Variants in DNAJC21 observed in about 807,000 individuals in gnomAD.
DNAJC21 encodes DnaJ heat shock protein family (Hsp40) member C21.
DNAJC21 carries 63 observed loss-of-function variants against 72.4 expected under a neutral mutation model. The ratio of observed to expected loss-of-function variants is 0.87; its 90% CI spans 0.71 to 1.07. DNAJC21 has a LOEUF of 1.07. Ranked by LOEUF, DNAJC21 falls within the 50% of genes least tolerant of loss-of-function variation. The pLI is 0.00. For missense variants in DNAJC21, 634 were observed against 644.8 expected (o/e 0.98, Z 0.18); for synonymous variants, 203 against 216.7 (o/e 0.94, Z 0.56).
chr5:34,951,130 G>A (rs1765351348), intron 10 of DNAJC21: 1 of 985,332 alleles, frequency 1.0e-6, no homozygotes, highest in Non-Finnish European at 1.2e-6. Flanking sequence ...GTAGGAAGGA[G>A]GAAACAGATG....
intron 1 of DNAJC21, among the ~76,000 whole-genome samples, chr5:34,931,020 G>A (rs1764571481): frequency 6.6e-6 from 1 of 152,208 alleles, no homozygotes; most frequent in African/African-American, 2.4e-5. Context: ...ATTTGGAAAA[G>A]TGAACTCAAC....
At position 34,956,387 on chromosome 5, in the gene DNAJC21, T is replaced by C. The variant is rs1279064721; in HGVS notation, c.*1673T>C. ...TACCTTTCTATTTCTTGCTAATTTC[T>C]ATCACTAATTCCTTATAATTGTCCC... On this transcript the variant is annotated 3_prime_UTR_variant, in exon 12 of 12. Coordinates refer to ENST00000648817, the MANE Select transcript of DNAJC21 (RefSeq NM_001012339.3). 6.6e-6 allele frequency: 1 copy of C among 152,222 alleles called. No homozygotes were observed. Among genetic ancestry groups the C allele is most frequent in the Non-Finnish European group, 1.5e-5 (1 of 68,048 alleles). The allele number at this position is 152,222 out of a possible 1,614,324, so 9.4% of individuals were successfully genotyped here.
At chr5:34,951,470 G>A (rs929176159) in intron 10 of DNAJC21, 1 of 985,408 alleles carries the variant, frequency 1.0e-6, no homozygotes. Flanking sequence ...CAGGAGGTGG[G>A]GCTCTGGGCC....
chr5:34,942,520 G>A (rs1244119898), intron 7 of DNAJC21, among the ~76,000 whole-genome samples: 1 of 152,004 alleles, frequency 6.6e-6, no homozygotes, highest in Non-Finnish European at 1.5e-5. Flanking sequence ...AGAAAAATTA[G>A]AAACAAGCAA....
intron 2 of DNAJC21, 24 bp downstream of exon 2, chr5:34,933,932 A>T (rs1400841012): frequency 6.2e-7 from 1 of 1,601,760 alleles, no homozygotes; most frequent in Non-Finnish European, 8.5e-7. Flanking sequence ...TGTCCTTCCC[A>T]TCCTAGTTTA....
chr5:34,941,290 T>C (rs1435682364), intron 7 of DNAJC21, 107 bp downstream of exon 7: 1 of 942,864 alleles, frequency 1.1e-6, no homozygotes, highest in East Asian at 2.6e-5. Flanking sequence ...CTCGACCTGT[T>C]GAACTCAGAT....
chr5:34,941,187 A>G lies in DNAJC21; in HGVS notation c.983+4A>G, dbSNP rs1285440441. 1 of 1,612,972 alleles carries G rather than the reference A, an allele frequency of 6.2e-7. No individual in the cohort carries two copies. Among genetic ancestry groups the G allele is most frequent in the Non-Finnish European group, 8.5e-7 (1 of 1,179,136 alleles). ...AATCGTTCAAGACAGAAAAGGCGTAAGTTTATTAATTTAATTTAATTTAAT... is the reference window on the plus strand; with the variant it reads ...AATCGTTCAAGACAGAAAAGGCGTAGGTTTATTAATTTAATTTAATTTAAT... On this transcript the variant is annotated splice_donor_region_variant and intron_variant, in intron 7 of 11. Coordinates refer to ENST00000648817, the MANE Select transcript of DNAJC21 (RefSeq NM_001012339.3).
chr5:34,951,904 T>G, intron 10 of DNAJC21: 1 of 985,454 alleles, frequency 1.0e-6, no homozygotes, highest in Non-Finnish European at 1.2e-6. Context: ...ATAGTTCAGC[T>G]CTCTAATTTC....
intron 1 of DNAJC21, chr5:34,930,278 TGCGTCCCTTGCAGC>T (rs1764544189): frequency 1.8e-5 from 3 of 166,092 alleles, no homozygotes; most frequent in African/African-American, 7.2e-5. Context: ...TGCTTTTCCC[TGCGTCCCTTGCAGC>T]GCAGCCTCTC....
intron 8 of DNAJC21, 92 bp downstream of exon 8, chr5:34,945,117 G>C (rs1478855924): frequency 6.8e-7 from 1 of 1,478,964 alleles, no homozygotes; most frequent in Non-Finnish European, 9.2e-7. Flanking sequence ...TCACTCTGTT[G>C]CCCAGGCTGG....
intron 7 of DNAJC21, among the ~76,000 whole-genome samples, chr5:34,941,448 C>T (rs959567454): frequency 6.6e-6 from 1 of 152,094 alleles, no homozygotes; most frequent in African/African-American, 2.4e-5. Context: ...GTCTTGAACT[C>T]CTGGATTCAA....
intron 7 of DNAJC21, among the ~76,000 whole-genome samples, chr5:34,941,560 CTTTTTTTTTTTTTT>C (rs765889955): frequency 1.3e-5 from 1 of 76,090 alleles, no homozygotes; most frequent in African/African-American, 5.0e-5. Flanking sequence ...CTTGTGTTTT[CTTTTTTTTTTTTTT>C]TTTTTTTTTG....
At chr5:34,930,959 T>G (rs1473906341) in intron 1 of DNAJC21, among the ~76,000 whole-genome samples, 1 of 152,212 alleles carries the variant, frequency 6.6e-6, no homozygotes, top group Non-Finnish European at 1.5e-5. Context: ...CCATTTTGTA[T>G]TGAGTCTTCC....
intron 2 of DNAJC21, 104 bp downstream of exon 2, chr5:34,934,012 G>A (rs2303136): frequency 0.073 from 70,568 of 966,072 alleles, 3,162 homozygotes; most frequent in South Asian, 0.13. Flanking sequence ...GGTTTTTGGT[G>A]TGTTCTGAAA....
intron 5 of DNAJC21, among the ~76,000 whole-genome samples, chr5:34,938,525 A>G (rs181829596): frequency 4.0e-4 from 61 of 152,336 alleles, no homozygotes; most frequent in African/African-American, 1.3e-3. Flanking sequence ...AAAATTATTC[A>G]CTTCTTAAGA....
At chr5:34,930,690 A>C (rs1764561230) in intron 1 of DNAJC21, among the ~76,000 whole-genome samples, 1 of 152,186 alleles carries the variant, frequency 6.6e-6, no homozygotes, top group African/African-American at 2.4e-5. Context: ...TTTGAGGTTC[A>C]TATGAAGAGG....
At chr5:34,950,449 T>C in intron 10 of DNAJC21, 107 bp downstream of exon 10, 2 of 1,462,726 alleles carry the variant, frequency 1.4e-6, no homozygotes, top group Non-Finnish European at 1.8e-6. Flanking sequence ...ACCAGGTAAT[T>C]TAGATGTATC....
chr5:34,956,919 TATG>T lies in DNAJC21; in HGVS notation c.*2207_*2209del, dbSNP rs1765553409. Reference sequence around the variant, plus strand: ...GTCTCCATTTATCATACAGGATCATTATGAAAGTAAAATGAAGTAGTATATATG... The same window carrying T: ...GTCTCCATTTATCATACAGGATCATTAAAGTAAAATGAAGTAGTATATATG... On this transcript the variant is annotated 3_prime_UTR_variant, in exon 12 of 12. Coordinates refer to ENST00000648817, the MANE Select transcript of DNAJC21 (RefSeq NM_001012339.3). The T allele has an allele frequency of 6.6e-6, 1 of 152,204 alleles. No individual in the cohort carries two copies. The highest frequency in any genetic ancestry group is 1.9e-4 in the East Asian group (1 of 5,196). The allele number at this position is 152,204 out of a possible 1,614,324, so 9.4% of individuals were successfully genotyped here.
chr5:34,933,785 G>A lies in DNAJC21; in HGVS notation c.98-30G>A, dbSNP rs954808325. On this transcript the variant is annotated intron_variant, in intron 1 of 11. Transcript: ENST00000648817. The stretch of plus-strand genomic sequence containing the variant: ...TTTAGATTCTGTCCTGTACGTTTTT[G>A]ATTGACTTAAATTTCTGTGACTTTA... The A allele has an allele frequency of 2.5e-6, 4 of 1,589,442 alleles. 1 individual carries two copies. In the South Asian group the frequency reaches 4.5e-5, roughly 18 times the overall value.
Sources: allele counts gnomAD v4.1 joint callset (sites outside exome capture counted in the v4.1 genomes callset), GRCh38; gene constraint gnomAD v4.1.1; transcripts MANE v1.5; gene names NCBI Gene and HGNC (gene_info 2026-07-23, HGNC 2026-07-21).